Variants in SLC2A13 observed in about 807,000 individuals in gnomAD.
The protein encoded by SLC2A13 is proton myo-inositol cotransporter.
A neutral mutation model predicts 64.4 loss-of-function variants in SLC2A13; 32 were observed. The observed-to-expected ratio is 0.50, with a 90% CI of 0.37 to 0.67. The LOEUF (loss-of-function observed/expected upper bound fraction) is 0.67. SLC2A13 is among the 30% of genes least tolerant of loss of function. SLC2A13 has a pLI of 0.00. For synonymous variants in SLC2A13, 338 were observed against 327.1 expected, an observed-to-expected ratio of 1.03 and a Z score of -0.36; for missense variants, 743 against 829.2, an observed-to-expected ratio of 0.90 and a Z score of 1.28.
chr12:40,060,970 A>G (rs1948410267), intron 1 of SLC2A13, among the ~76,000 whole-genome samples: 1 of 152,180 alleles, frequency 6.6e-6, no homozygotes, highest in Non-Finnish European at 1.5e-5. Context: ...AAGAAAGTTA[A>G]TGTGCTTTAA....
At chr12:40,010,175 A>G (rs779721249) in intron 3 of SLC2A13, among the ~76,000 whole-genome samples, 4 of 152,220 alleles carry the variant, frequency 2.6e-5, no homozygotes, top group Non-Finnish European at 4.4e-5. Context: ...GGAGTCAGAA[A>G]TCAAATGAAT....
At chr12:40,021,534 A>AAGT in intron 3 of SLC2A13, among the ~76,000 whole-genome samples, 1 of 152,334 alleles carries the variant, frequency 6.6e-6, no homozygotes, top group Admixed American at 6.5e-5. Context: ...CTTTTGTTTT[A>AAGT]ATCTACTGTT....
At chr12:39,797,701 A>G (rs1196692493) in intron 7 of SLC2A13, among the ~76,000 whole-genome samples, 1 of 151,280 alleles carries the variant, frequency 6.6e-6, no homozygotes, top group African/African-American at 2.4e-5. Context: ...AAGCTAATGG[A>G]TACATGTTAT....
chr12:39,918,971 T>A (rs746206771), intron 4 of SLC2A13, among the ~76,000 whole-genome samples: 5 of 151,728 alleles, frequency 3.3e-5, no homozygotes, highest in Non-Finnish European at 4.4e-5. Context: ...TGTGTATACA[T>A]ATATCTATAC....
intron 1 of SLC2A13, among the ~76,000 whole-genome samples, chr12:40,100,405 G>C (rs564838308): frequency 1.3e-5 from 2 of 152,284 alleles, no homozygotes; most frequent in East Asian, 3.9e-4. Flanking sequence ...CAGGGAGAAA[G>C]GGCTAATGGG....
intron 3 of SLC2A13, among the ~76,000 whole-genome samples, chr12:39,960,487 C>CT (rs1236431414): frequency 6.6e-6 from 1 of 152,132 alleles, no homozygotes; most frequent in Non-Finnish European, 1.5e-5. Flanking sequence ...TCCAGCAATT[C>CT]TCCTGCCTCG....
intron 7 of SLC2A13, among the ~76,000 whole-genome samples, chr12:39,807,637 G>T (rs1240110937): frequency 6.6e-6 from 1 of 152,082 alleles, no homozygotes; most frequent in Non-Finnish European, 1.5e-5. Context: ...AATAAATCTG[G>T]TGATTAAAAT....
intron 7 of SLC2A13, among the ~76,000 whole-genome samples, chr12:39,793,913 C>A (rs948570882): frequency 1.3e-5 from 2 of 151,984 alleles, no homozygotes; most frequent in African/African-American, 4.8e-5. Context: ...TGACTTTTAT[C>A]TCAGTGAGCT....
At chr12:39,929,041 G>A (rs184788045) in intron 4 of SLC2A13, among the ~76,000 whole-genome samples, 1 of 152,268 alleles carries the variant, frequency 6.6e-6, no homozygotes, top group Non-Finnish European at 1.5e-5. Context: ...GTCCAGGATT[G>A]CAGACAGGAG....
At chr12:39,901,386 C>T (rs1479174735) in intron 4 of SLC2A13, among the ~76,000 whole-genome samples, 4 of 150,152 alleles carry the variant, frequency 2.7e-5, no homozygotes. Flanking sequence ...AAAGAAACTA[C>T]CATCAGAGTG....
intron 3 of SLC2A13, among the ~76,000 whole-genome samples, chr12:40,002,058 A>G (rs1211064976): frequency 3.3e-5 from 5 of 152,214 alleles, no homozygotes; most frequent in African/African-American, 1.2e-4. Context: ...TCTCCAACTA[A>G]CAACTGAAAT....
chr12:39,949,010 A>C (rs1388160669), intron 4 of SLC2A13, among the ~76,000 whole-genome samples: 2 of 152,182 alleles, frequency 1.3e-5, no homozygotes, highest in Non-Finnish European at 2.9e-5. Context: ...ATATACACAC[A>C]CAAATAAAGA....
chr12:39,842,744 T>C lies in SLC2A13; in HGVS notation c.1320-12516A>G, dbSNP rs145361884. On this transcript the variant is annotated intron_variant, in intron 6 of 9. Transcript: ENST00000280871. The stretch of plus-strand genomic sequence containing the variant: ...CTATCCAATTCCGGAACATTTTCAT[T>C]GCTCAAGAATAAATCCTTTACTTCC... Among the ~76,000 whole-genome samples, 941 of 152,176 alleles carry C rather than the reference T, an allele frequency of 6.2e-3. 11 individuals are homozygous for C. Among genetic ancestry groups the C allele is most frequent in the African/African-American group, 0.021 (890 of 41,562 alleles).
At chr12:39,945,265 T>C (rs1479445161) in intron 4 of SLC2A13, among the ~76,000 whole-genome samples, 1 of 152,180 alleles carries the variant, frequency 6.6e-6, no homozygotes, top group East Asian at 1.9e-4. Flanking sequence ...GGTTACCTGG[T>C]GTTTCTGTCT....
intron 3 of SLC2A13, among the ~76,000 whole-genome samples, chr12:39,982,631 C>T (rs377508844): frequency 6.7e-6 from 1 of 148,156 alleles, no homozygotes; most frequent in African/African-American, 2.5e-5. Context: ...GGATGTGAAG[C>T]ACCTCTTCAA....
chr12:40,079,809 T>C lies in SLC2A13; in HGVS notation c.556+25444A>G, dbSNP rs1254495538. On this transcript the variant is annotated intron_variant, in intron 1 of 9. Transcript: ENST00000280871. ...GTGTTGGGTGCAAATATACTTAAGA[T>C]AGTTAAGACTGTTTATTTAGTTGAA... Among the ~76,000 whole-genome samples, 3 of 152,232 alleles carry C rather than the reference T, an allele frequency of 2.0e-5. 1 individual carries two copies. Among genetic ancestry groups the C allele is most frequent in the Non-Finnish European group, 4.4e-5 (3 of 68,038 alleles).
intron 1 of SLC2A13, among the ~76,000 whole-genome samples, chr12:40,074,322 A>G (rs1938083055): frequency 6.6e-6 from 1 of 151,700 alleles, no homozygotes; most frequent in Admixed American, 6.6e-5. Flanking sequence ...TGCACCACCT[A>G]TGTCCAGCTA....
intron 4 of SLC2A13, among the ~76,000 whole-genome samples, chr12:39,873,684 T>A (rs1944113800): frequency 1.3e-5 from 2 of 152,080 alleles, no homozygotes; most frequent in South Asian, 4.1e-4. Context: ...TCATTTTCAA[T>A]AAAATAAAAC....
intron 2 of SLC2A13, among the ~76,000 whole-genome samples, chr12:40,029,689 G>T (rs1165278190): frequency 6.6e-6 from 1 of 152,274 alleles, no homozygotes; most frequent in East Asian, 1.9e-4. Context: ...TGGGTAGTAA[G>T]AATACCTCCT....
Sources: allele counts gnomAD v4.1 joint callset (sites outside exome capture counted in the v4.1 genomes callset), GRCh38; gene constraint gnomAD v4.1.1; transcripts MANE v1.5; gene names NCBI Gene and HGNC (gene_info 2026-07-23, HGNC 2026-07-21).